WIPF3: variants seen among roughly 807,000 people sequenced by gnomAD.
WIPF3 encodes the protein WAS/WASL-interacting protein family member 3.
Under a neutral mutation model 38.9 loss-of-function variants are expected in WIPF3, and 33 were observed. The ratio of observed to expected loss-of-function variants is 0.85; its 90% CI spans 0.64 to 1.14. WIPF3 has a LOEUF of 1.14. Ranked by LOEUF, WIPF3 falls within the 50% of genes most tolerant of loss-of-function variation. WIPF3 has a pLI of 0.00. For synonymous variants in WIPF3, 324 were observed against 269.3 expected (o/e 1.20, Z -1.99); for missense variants, 711 against 652.5 (o/e 1.09, Z -0.98).
At position 29,911,669 on chromosome 7, in the gene WIPF3, C is replaced by G. The variant is rs74338984; in HGVS notation, c.1429-2824C>G. ...AATGATTTTAACAAGGGTGCCAAGA[C>G]CATTCAATAGGGAAAAGGTAGTATT... On this transcript the variant is annotated intron_variant, in intron 8 of 8. Transcript: ENST00000242140. Among the ~76,000 whole-genome samples the G allele has an allele frequency of 3.4e-3, 524 of 152,226 alleles. 5 individuals are homozygous for G. The highest frequency in any genetic ancestry group is 0.012 in the African/African-American group (499 of 41,558).
intron 1 of WIPF3, among the ~76,000 whole-genome samples, chr7:29,822,673 G>A (rs192582624): frequency 5.8e-4 from 89 of 152,262 alleles, no homozygotes; most frequent in Non-Finnish European, 9.7e-4. Context: ...CAAATGTATC[G>A]TCTACAGCAT....
intron 2 of WIPF3, among the ~76,000 whole-genome samples, chr7:29,854,761 GTCGAAA>G (rs1297056772): frequency 6.6e-6 from 1 of 152,204 alleles, no homozygotes; most frequent in East Asian, 1.9e-4. Context: ...AAATTCCAAT[GTCGAAA>G]TCCTAACCCC....
At chr7:29,890,350 T>G (rs549268037) in intron 7 of WIPF3, among the ~76,000 whole-genome samples, 2 of 93,250 alleles carry the variant, frequency 2.1e-5, no homozygotes, top group East Asian at 7.6e-4. Context: ...AGACTCTGTA[T>G]CCACAAAAAA....
At chr7:29,913,559 T>C (rs1469708032) in intron 8 of WIPF3, among the ~76,000 whole-genome samples, 1 of 152,168 alleles carries the variant, frequency 6.6e-6, no homozygotes, top group Non-Finnish European at 1.5e-5. Context: ...CATAATCATG[T>C]TCCTTCATAT....
rs1300048000 is a variant in WIPF3, at chr7:29,823,744, T to C, written c.-57-10924T>C. Among the ~76,000 whole-genome samples, 1 of 152,164 alleles carries C rather than the reference T, an allele frequency of 6.6e-6. No homozygotes were observed. The highest frequency in any genetic ancestry group is 1.5e-5 in the Non-Finnish European group (1 of 68,030). Reference sequence around the variant, plus strand: ...TCATTATTGGTTTAGTGCCATCCCCTCATCGTTGCTCTTGTGATGTTGAGT... The same window carrying C: ...TCATTATTGGTTTAGTGCCATCCCCCCATCGTTGCTCTTGTGATGTTGAGT... On this transcript the variant is annotated intron_variant, in intron 1 of 8. Transcript: ENST00000242140. This position sits in a 1 kb window ranked among gnomAD's most constrained non-coding sequence, Gnocchi z 4.0.
chr7:29,913,239 G>T (rs531673894), intron 8 of WIPF3, among the ~76,000 whole-genome samples: 1 of 151,822 alleles, frequency 6.6e-6, no homozygotes, highest in Non-Finnish European at 1.5e-5. Context: ...CCAGCTACAC[G>T]GGAGGCTGAG....
At chr7:29,852,400 A>T (rs1785116675) in intron 2 of WIPF3, among the ~76,000 whole-genome samples, 1 of 152,246 alleles carries the variant, frequency 6.6e-6, no homozygotes, top group Non-Finnish European at 1.5e-5. Flanking sequence ...TCAGCTTCCT[A>T]AGGAGGATAG....
intron 2 of WIPF3, among the ~76,000 whole-genome samples, chr7:29,868,118 T>C (rs1785424189): frequency 6.6e-6 from 1 of 152,128 alleles, no homozygotes; most frequent in Admixed American, 6.5e-5. Context: ...AAAAGTTTAG[T>C]TGAGAAAGTG....
At chr7:29,836,700 T>TA (rs1255662810) in intron 2 of WIPF3, among the ~76,000 whole-genome samples, 1 of 152,218 alleles carries the variant, frequency 6.6e-6, no homozygotes, top group Non-Finnish European at 1.5e-5. Context: ...AATTAAAACT[T>TA]ACATCTGGCG....
chr7:29,839,210 T>C (rs1035673754), intron 2 of WIPF3, among the ~76,000 whole-genome samples: 1 of 152,206 alleles, frequency 6.6e-6, no homozygotes, highest in African/African-American at 2.4e-5. Flanking sequence ...CGTTAAACTG[T>C]ACAAAATTAT....
At chr7:29,901,383 A>ATTTTT (rs543723994) in intron 7 of WIPF3, among the ~76,000 whole-genome samples, 17 of 122,220 alleles carry the variant, frequency 1.4e-4, no homozygotes, top group Non-Finnish European at 2.7e-4. Flanking sequence ...AGCAGCAGTG[A>ATTTTT]TTTTTTTTTT....
intron 2 of WIPF3, among the ~76,000 whole-genome samples, chr7:29,863,978 G>C (rs1443848412): frequency 6.6e-6 from 1 of 152,084 alleles, no homozygotes; most frequent in South Asian, 2.1e-4. Context: ...TCTGAGAAGA[G>C]GTACAATTTT....
intron 2 of WIPF3, among the ~76,000 whole-genome samples, chr7:29,869,151 T>G (rs1188022312): frequency 6.7e-6 from 1 of 148,906 alleles, no homozygotes; most frequent in East Asian, 2.0e-4. Flanking sequence ...TGCCTCAGCC[T>G]CCCAAGTAGC....
chr7:29,862,465 G>A (rs1252780223), intron 2 of WIPF3, among the ~76,000 whole-genome samples: 6 of 152,164 alleles, frequency 3.9e-5, no homozygotes, highest in Non-Finnish European at 2.9e-5. Context: ...TGTTGGCCTG[G>A]GGATATATTA....
At chr7:29,818,829 T>C (rs10262326) in intron 1 of WIPF3, among the ~76,000 whole-genome samples, 17,454 of 152,168 alleles carry the variant, frequency 0.11, 1,097 homozygotes, top group African/African-American at 0.16. Flanking sequence ...ATAATGTATT[T>C]TGAGTTATGT....
At chr7:29,895,709 G>A (rs174991) in intron 7 of WIPF3, among the ~76,000 whole-genome samples, 1 of 151,946 alleles carries the variant, frequency 6.6e-6, no homozygotes, top group Non-Finnish European at 1.5e-5. Flanking sequence ...AGGAGCACTT[G>A]TGTCACGTGA....
At chr7:29,907,218 T>A (rs544585929) in intron 8 of WIPF3, among the ~76,000 whole-genome samples, 11 of 152,248 alleles carry the variant, frequency 7.2e-5, no homozygotes, top group South Asian at 2.1e-4. Flanking sequence ...GTTTAAAAGC[T>A]AGTGTTATTG....
At chr7:29,856,713 A>G (rs78445653) in intron 2 of WIPF3, among the ~76,000 whole-genome samples, 2,759 of 152,318 alleles carry the variant, frequency 0.018, 56 homozygotes, top group East Asian at 0.073. Context: ...TTATTTGTTT[A>G]TATTGATTTT....
At chr7:29,875,649 G>A (rs1019047240) in intron 2 of WIPF3, among the ~76,000 whole-genome samples, 181 bp from the exon 3 acceptor site, 3 of 152,110 alleles carry the variant, frequency 2.0e-5, no homozygotes, top group Non-Finnish European at 2.9e-5. Flanking sequence ...TCCCTTCTAG[G>A]TCACCAGGAA....
Sources: allele counts gnomAD v4.1 joint callset (sites outside exome capture counted in the v4.1 genomes callset), GRCh38; gene constraint gnomAD v4.1.1; non-coding constraint Gnocchi (gnomAD v3.1); transcripts MANE v1.5; gene names NCBI Gene and HGNC (gene_info 2026-07-23, HGNC 2026-07-21).